Variants in P2RX4 observed in about 807,000 individuals in gnomAD.
The protein encoded by P2RX4 is P2X purinoceptor 4.
P2RX4 carries 37 observed loss-of-function variants against 48.0 expected under a neutral mutation model. That is an observed-to-expected ratio of 0.77 (90% confidence interval 0.59 to 1.01). The LOEUF (loss-of-function observed/expected upper bound fraction) is 1.01, where lower values mean the gene tolerates loss of function less well. Ranked by LOEUF, P2RX4 falls within the 50% of genes least tolerant of loss-of-function variation. The pLI, the probability that P2RX4 is intolerant of heterozygous loss-of-function variation, is 0.00. For synonymous variants in P2RX4, 200 were observed against 199.7 expected, an observed-to-expected ratio of 1.00 and a Z score of -0.01; for missense variants, 501 against 521.4, an observed-to-expected ratio of 0.96 and a Z score of 0.38.
At chr12:121,222,818 C>A in intron 4 of P2RX4, 129 bp from the exon 5 acceptor site, 1 of 1,494,408 alleles carries the variant, frequency 6.7e-7, no homozygotes, top group Non-Finnish European at 9.1e-7. Flanking sequence ...CTGTCTAAAT[C>A]CCAGATTTGC....
rs1004832272 is a variant in P2RX4 at position 121,232,449 on chromosome 12, A to G, written c.920A>G (p.Glu307Gly). Residue 307 changes from glutamate to glycine, a missense_variant, in exon 9 of 12, where the codon GAG becomes GGG. Around this residue, in one of 3 missense-constraint regions of P2RX4, gnomAD observed 197 missense variants for 219.5 expected, o/e 0.90. Coordinates refer to ENST00000337233, the MANE Select transcript of P2RX4 (RefSeq NM_002560.3). This position sits in a 1 kb window ranked among gnomAD's most constrained non-coding sequence, Gnocchi z 4.3. Reference protein sequence around the residue: ...AKYYRDLAGNEQRTLIKAYGI... With the variant: ...AKYYRDLAGNGQRTLIKAYGI... ...TACTACAGAGACCTGGCTGGCAACG[A>G]GCAGCGCACGCTCATCAAGGCCTAT... 6.2e-7 allele frequency: 1 copy of G among 1,614,086 alleles called. No individual in the cohort carries two copies. Among genetic ancestry groups the G allele is most frequent in the East Asian group, 2.2e-5 (1 of 44,878 alleles).
Position 121,229,136 on chromosome 12 carries a change from G to T in P2RX4, c.884+37G>T, listed in dbSNP as rs756373895. The T allele has an allele frequency of 2.5e-5, 40 of 1,613,482 alleles. No homozygotes were observed. The highest frequency in any genetic ancestry group is 1.1e-5 in the South Asian group (1 of 91,024). On this transcript the variant is annotated intron_variant, in intron 8 of 11. Coordinates refer to ENST00000337233, the MANE Select transcript of P2RX4 (RefSeq NM_002560.3). The surrounding 1 kb of genome is among the most constrained non-coding windows in gnomAD (Gnocchi z 4.6). ...CTTGGGCCCCTCGCTCATGTTGTAG[G>T]GGGTGCTGGTGGCTGCGTACGTGCC...
intron 2 of P2RX4, among the ~76,000 whole-genome samples, chr12:121,221,224 G>T (rs908724207): frequency 6.7e-6 from 1 of 150,308 alleles, no homozygotes; most frequent in African/African-American, 2.4e-5. Flanking sequence ...CACCATGTTG[G>T]CCAGGCTAAT....
Position 121,222,175 on chromosome 12 carries a change from T to C in P2RX4, c.427+9T>C, listed in dbSNP as rs1227386972. On this transcript the variant is annotated intron_variant, in intron 4 of 11. Coordinates refer to ENST00000337233, the MANE Select transcript of P2RX4 (RefSeq NM_002560.3). ...CGGCACCCACAGCAACGGTACGAGCTTGTGGCCTCCTGGGGAGGGCGGCCC... is the reference window on the plus strand; with the variant it reads ...CGGCACCCACAGCAACGGTACGAGCCTGTGGCCTCCTGGGGAGGGCGGCCC... 8.1e-6 allele frequency: 13 copies of C among 1,604,478 alleles called. No individual in the cohort carries two copies. The highest frequency in any genetic ancestry group is 1.1e-5 in the Non-Finnish European group (13 of 1,171,642).
In P2RX4 at chr12:121,217,131, T is replaced by C. The variant is rs1430327983; in HGVS notation, c.135-3T>C. 3.7e-6 allele frequency: 6 copies of C among 1,613,830 alleles called. No homozygotes were observed. In the South Asian group the frequency reaches 5.5e-5, roughly 15 times the overall value. ...AATTTAAGAGGCCTGTTTTATTTTA[T>C]AGGTGGGTGTTTGTGTGGGAAAAGG... On this transcript the variant is annotated splice_polypyrimidine_tract_variant and splice_region_variant and intron_variant, in intron 1 of 11. Transcript: ENST00000337233.
At chr12:121,222,900 GA>G in intron 4 of P2RX4, 46 bp from the exon 5 acceptor site, 3 of 1,486,582 alleles carry the variant, frequency 2.0e-6, no homozygotes, top group Non-Finnish European at 2.8e-6. Context: ...TAGAAAATAG[GA>G]GACCCCTGTG....
intron 2 of P2RX4, among the ~76,000 whole-genome samples, chr12:121,221,467 C>T (rs1159221846): frequency 6.7e-6 from 1 of 149,646 alleles, no homozygotes; most frequent in Non-Finnish European, 1.5e-5. Flanking sequence ...GATGTCGGCT[C>T]GCTGCAACCT....
At chr12:121,217,707 C>A (rs1452441514) in intron 2 of P2RX4, among the ~76,000 whole-genome samples, 1 of 149,416 alleles carries the variant, frequency 6.7e-6, no homozygotes, top group Non-Finnish European at 1.5e-5. Flanking sequence ...GGGCAGATAC[C>A]TTGAGCCCAG....
In P2RX4 at chr12:121,210,241, G is replaced by A; in HGVS notation, c.77G>A (p.Arg26His). The stretch of plus-strand genomic sequence containing the variant: ...CCGCGCATCGTGCTCATCCGCAGCC[G>A]CAAAGTGGGGCTCATGAACCGCGCC... ...DTPRIVLIRS[R>H]KVGLMNRAVQ... is the part of the protein sequence containing the mutation. The change falls in exon 1 of 12, where the codon CGC becomes CAC. Residue 26 changes from arginine to histidine, a missense_variant. Physicochemically the swap from Arg to His is conservative, Grantham distance 29. Transcript: ENST00000337233. 5 of 1,562,324 alleles carry A rather than the reference G, an allele frequency of 3.2e-6. No homozygotes were observed. Among genetic ancestry groups the A allele is most frequent in the South Asian group, 2.3e-5 (2 of 85,430 alleles).
At chr12:121,210,586 T>G (rs1007846198) in intron 1 of P2RX4, among the ~76,000 whole-genome samples, 3 of 152,084 alleles carry the variant, frequency 2.0e-5, no homozygotes, top group African/African-American at 7.2e-5. Flanking sequence ...TCGAAACCAA[T>G]TTGGGCAACA....
chr12:121,221,694 G>A (rs1423702096), intron 2 of P2RX4, among the ~76,000 whole-genome samples: 1 of 152,096 alleles, frequency 6.6e-6, no homozygotes, highest in Non-Finnish European at 1.5e-5. Flanking sequence ...CGCCCGACCT[G>A]TTTCCACCTT....
At chr12:121,231,441 A>G (rs1278584326) in intron 8 of P2RX4, among the ~76,000 whole-genome samples, 2 of 152,044 alleles carry the variant, frequency 1.3e-5, no homozygotes, top group African/African-American at 2.4e-5. Flanking sequence ...TCAAAAAGAA[A>G]CCCTGCACCC....
chr12:121,231,558 TCCTTCC>T (rs1887361999), intron 8 of P2RX4, among the ~76,000 whole-genome samples: 1 of 152,132 alleles, frequency 6.6e-6, no homozygotes, highest in Admixed American at 6.5e-5. Flanking sequence ...TGCGTCTGGC[TCCTTCC>T]CCTTAGCCTG....
At position 121,232,230 on chromosome 12, in the gene P2RX4, G is replaced by A. The variant is rs560941784; in HGVS notation, c.885-184G>A. 1.5e-4 allele frequency: 89 copies of A among 605,370 alleles called. No homozygotes were observed. The highest frequency in any genetic ancestry group is 1.3e-3 in the South Asian group (67 of 50,998). 37.5% of individuals were successfully genotyped at this position (605,370 alleles called of 1,614,324 possible). A position where few individuals can be genotyped will look rare whatever the true frequency, so the allele number is the denominator to read the frequency against. On this transcript the variant is annotated intron_variant, in intron 8 of 11. Transcript: ENST00000337233. The surrounding 1 kb of genome is among the most constrained non-coding windows in gnomAD (Gnocchi z 4.3). ...AGGTCTCCCTGTGCCCCTGTACCTC[G>A]TGGGCCCCGCATCCTCCTGCTTGCA...
At chr12:121,216,807 C>G (rs908875782) in intron 1 of P2RX4, 1 of 601,360 alleles carries the variant, frequency 1.7e-6, no homozygotes, top group Non-Finnish European at 3.0e-6. Context: ...GCAACAAGAG[C>G]GAAACATCGT....
intron 2 of P2RX4, among the ~76,000 whole-genome samples, chr12:121,219,619 A>ATGGATGGATG (rs1566001886): frequency 1.4e-3 from 110 of 79,366 alleles, no homozygotes; most frequent in Non-Finnish European, 1.3e-3. Context: ...ATGGATGGAT[A>ATGGATGGATG]GATAGATAGA....
At chr12:121,231,585 G>A (rs952395220) in intron 8 of P2RX4, among the ~76,000 whole-genome samples, 1 of 152,028 alleles carries the variant, frequency 6.6e-6, no homozygotes, top group Non-Finnish European at 1.5e-5. Context: ...ATGTTTTCAA[G>A]CTTCATCCAT....
chr12:121,222,012 GC>G, intron 3 of P2RX4, 28 bp downstream of exon 3: 1 of 1,607,432 alleles, frequency 6.2e-7, no homozygotes, highest in South Asian at 1.1e-5. Flanking sequence ...AGAGCCCCAG[GC>G]CCCACACCCC....
chr12:121,228,382 AAAAATATAT>A, intron 5 of P2RX4, 142 bp from the exon 6 acceptor site: 1 of 195,194 alleles, frequency 5.1e-6, no homozygotes, highest in African/African-American at 2.7e-5. Flanking sequence ...AAAAAAAAAA[AAAAATATAT>A]ATATATATAT....
Sources: allele counts gnomAD v4.1 joint callset (sites outside exome capture counted in the v4.1 genomes callset), GRCh38; gene constraint gnomAD v4.1.1; regional missense constraint gnomAD v4.1.1; non-coding constraint Gnocchi (gnomAD v3.1); transcripts MANE v1.5; gene names NCBI Gene and HGNC (gene_info 2026-07-23, HGNC 2026-07-21).